Variants in ZMYND8 observed in about 807,000 individuals in gnomAD.
The protein encoded by ZMYND8 is MYND-type zinc finger-containing chromatin reader ZMYND8.
In ZMYND8, 37 loss-of-function variants were observed where a neutral mutation model predicts 140.8. The ratio of observed to expected loss-of-function variants is 0.26; its 90% confidence interval spans 0.20 to 0.35. The LOEUF (loss-of-function observed/expected upper bound fraction) is 0.35, where lower values mean the gene tolerates loss of function less well. Ranked by LOEUF, ZMYND8 falls within the 10% of genes least tolerant of loss-of-function variation. ZMYND8 has a pLI of 1.00. For synonymous variants in ZMYND8, 592 were observed against 597.1 expected (o/e 0.99, Z 0.12); for missense variants, 1,068 against 1,570.0 (o/e 0.68, Z 5.40).
At chr20:47,229,628 C>A in intron 17 of ZMYND8, 98 bp downstream of exon 17, 1 of 1,165,598 alleles carries the variant, frequency 8.6e-7, no homozygotes. Context: ...AAGCCAGGAC[C>A]CCAGAGGGGT....
intron 11 of ZMYND8, among the ~76,000 whole-genome samples, chr20:47,273,711 T>TG (rs2076095490): frequency 6.6e-6 from 1 of 152,182 alleles, no homozygotes; most frequent in Admixed American, 6.5e-5. Context: ...CAGGTCATTG[T>TG]GGCCTCAAAC....
chr20:47,339,727 C>T (rs2081682942), intron 2 of ZMYND8, among the ~76,000 whole-genome samples: 1 of 152,116 alleles, frequency 6.6e-6, no homozygotes, highest in Non-Finnish European at 1.5e-5. Context: ...CCGCCCACCT[C>T]GGCTTCCCAA....
At chr20:47,275,015 G>C (rs374124428) in intron 11 of ZMYND8, among the ~76,000 whole-genome samples, 11 of 152,222 alleles carry the variant, frequency 7.2e-5, no homozygotes, top group Non-Finnish European at 8.8e-5. Flanking sequence ...GAGAGAGAGA[G>C]AGACCAAGGA....
intron 12 of ZMYND8, among the ~76,000 whole-genome samples, chr20:47,256,844 C>G (rs957073757): frequency 6.6e-6 from 1 of 152,130 alleles, no homozygotes; most frequent in Non-Finnish European, 1.5e-5. Context: ...CAGAAAGTCT[C>G]GGGGTGTGAC....
At chr20:47,245,165 A>T (rs2040413201) in intron 14 of ZMYND8, among the ~76,000 whole-genome samples, 1 of 152,152 alleles carries the variant, frequency 6.6e-6, no homozygotes, top group Admixed American at 6.5e-5. Flanking sequence ...CTGTCCTACT[A>T]CTGTAAGAAA....
intron 14 of ZMYND8, among the ~76,000 whole-genome samples, chr20:47,240,942 G>A (rs1428386428): frequency 6.6e-6 from 1 of 152,082 alleles, no homozygotes; most frequent in Non-Finnish European, 1.5e-5. Flanking sequence ...CGAATAGCTG[G>A]GACTACACGG....
rs2036010956 is a variant in ZMYND8 at position 47,215,831 on chromosome 20, C to T, written c.3485-3106G>A. 3.9e-5 allele frequency among the ~76,000 whole-genome samples: 6 copies of T among 152,186 alleles called. No homozygotes were observed. The South Asian group carries it at 1.0e-3, about 26-fold the overall frequency. On this transcript the variant is annotated intron_variant, in intron 21 of 22. Transcript: ENST00000471951. ...ACAGTTCAAGGCTTCAGCAGCGACACGTGGCTAGTGGCTACCATAGTGGAC... is the reference window on the plus strand; with the variant it reads ...ACAGTTCAAGGCTTCAGCAGCGACATGTGGCTAGTGGCTACCATAGTGGAC...
chr20:47,350,943 C>T (rs1407539979), intron 1 of ZMYND8, among the ~76,000 whole-genome samples: 1 of 152,168 alleles, frequency 6.6e-6, no homozygotes, highest in Admixed American at 6.5e-5. Flanking sequence ...TAGTTAGATA[C>T]ATTGTATACA....
chr20:47,325,749 C>T (rs190529660), intron 2 of ZMYND8, among the ~76,000 whole-genome samples: 3 of 151,990 alleles, frequency 2.0e-5, no homozygotes, highest in Non-Finnish European at 2.9e-5. Flanking sequence ...TCTAAGACAA[C>T]CAATTTACTC....
intron 2 of ZMYND8, among the ~76,000 whole-genome samples, chr20:47,317,795 T>C (rs1569183951): frequency 6.6e-6 from 1 of 152,090 alleles, no homozygotes; most frequent in East Asian, 1.9e-4. Flanking sequence ...GGCGTCAAAA[T>C]GCATGCAGAA....
chr20:47,320,686 T>C (rs900511774), intron 2 of ZMYND8: 8 of 152,346 alleles, frequency 5.3e-5, no homozygotes, highest in African/African-American at 1.9e-4. Context: ...ATCACGCCAT[T>C]GCACTCCAGC....
At chr20:47,267,280 G>C (rs148618153) in intron 11 of ZMYND8, among the ~76,000 whole-genome samples, 1 of 152,170 alleles carries the variant, frequency 6.6e-6, no homozygotes, top group South Asian at 2.1e-4. Context: ...GGGATGGGGA[G>C]TGGCTGTTTG....
intron 2 of ZMYND8, among the ~76,000 whole-genome samples, chr20:47,313,768 C>T (rs2079150170): frequency 6.6e-6 from 1 of 151,710 alleles, no homozygotes; most frequent in South Asian, 2.1e-4. Flanking sequence ...CTCATCTCTA[C>T]TAAAAATACA....
chr20:47,259,508 G>A lies in ZMYND8; in HGVS notation c.1621+2780C>T, dbSNP rs78793802. Among the ~76,000 whole-genome samples the A allele has an allele frequency of 7.2e-3, 1,090 of 152,188 alleles. 62 individuals are homozygous for A. The East Asian group carries it at 0.15, about 21-fold the overall frequency. ...TGAAAATGGCACTGTAGGACAAGAT[G>A]GACCTGGAGGGCGCCAACCACCAAA... On this transcript the variant is annotated intron_variant, in intron 12 of 22. Transcript: ENST00000471951.
chr20:47,334,249 A>T (rs1265667758), intron 2 of ZMYND8, among the ~76,000 whole-genome samples: 2 of 152,182 alleles, frequency 1.3e-5, no homozygotes, highest in African/African-American at 4.8e-5. Flanking sequence ...GCCAGAGAAA[A>T]GATCAAAAAT....
chr20:47,239,471 G>C (rs1280163279), intron 14 of ZMYND8, among the ~76,000 whole-genome samples: 1 of 152,166 alleles, frequency 6.6e-6, no homozygotes, highest in Non-Finnish European at 1.5e-5. Context: ...AATGCGGTGG[G>C]CGAACAGATT....
chr20:47,213,912 G>C (rs1409813009), intron 21 of ZMYND8, among the ~76,000 whole-genome samples: 3 of 152,178 alleles, frequency 2.0e-5, no homozygotes, highest in Non-Finnish European at 2.9e-5. Context: ...GTGTAAACTG[G>C]AACTAGGAAG....
chr20:47,341,442 G>A (rs566983084), intron 2 of ZMYND8, among the ~76,000 whole-genome samples: 2 of 151,102 alleles, frequency 1.3e-5, no homozygotes, highest in East Asian at 3.9e-4. Context: ...CAGAAGAATT[G>A]CTTGAACCTG....
rs2035010446 is a variant in ZMYND8, at chr20:47,209,778, G to A, written c.*983C>T. 1 of 152,568 alleles carries A rather than the reference G, an allele frequency of 6.6e-6. No individual in the cohort carries two copies. Among genetic ancestry groups the A allele is most frequent in the Non-Finnish European group, 1.5e-5 (1 of 68,024 alleles). 9.5% of individuals were successfully genotyped at this position (152,568 alleles called of 1,614,324 possible). A position where few individuals can be genotyped will look rare whatever the true frequency, so the allele number is the denominator to read the frequency against. ...GGCCTTGCTTTCTCTCATACTGCCT[G>A]TGTTTCATGCTTACATAAAAACGTG... On this transcript the variant is annotated 3_prime_UTR_variant, in exon 23 of 23. Transcript: ENST00000471951.
Sources: gnomAD v4.1 joint callset for allele counts (sites outside exome capture counted in the v4.1 genomes callset) on GRCh38, gnomAD v4.1.1 for gene constraint, MANE v1.5 for transcripts, NCBI Gene and HGNC (gene_info 2026-07-23, HGNC 2026-07-21) for gene names.